Variants in ALCAM observed in about 807,000 individuals in gnomAD.
ALCAM encodes the protein CD166 antigen.
A neutral mutation model predicts 70.9 loss-of-function variants in ALCAM; 30 were observed. The ratio of observed to expected loss-of-function variants is 0.42; its 90% CI spans 0.32 to 0.57. ALCAM has a LOEUF of 0.57. Ranked by LOEUF, ALCAM falls within the 20% of genes least tolerant of loss-of-function variation. The pLI, the probability that ALCAM is intolerant of heterozygous loss-of-function variation, is 0.11. For missense variants in ALCAM, 591 were observed against 695.1 expected (o/e 0.85, Z 1.68); for synonymous variants, 249 against 242.5 (o/e 1.03, Z -0.25).
chr3:105,479,624 A>T (rs1263593501), intron 1 of ALCAM, among the ~76,000 whole-genome samples: 2 of 152,182 alleles, frequency 1.3e-5, no homozygotes, highest in Non-Finnish European at 2.9e-5. Flanking sequence ...ATGTATACAA[A>T]CATTGCATAT....
chr3:105,385,985 G>A (rs1935643122), intron 1 of ALCAM, among the ~76,000 whole-genome samples: 1 of 151,530 alleles, frequency 6.6e-6, no homozygotes, highest in Non-Finnish European at 1.5e-5. Context: ...TAGAAAACCA[G>A]TGTTTTCAAA....
intron 1 of ALCAM, among the ~76,000 whole-genome samples, chr3:105,504,217 G>T (rs1939000994): frequency 6.6e-6 from 1 of 152,150 alleles, no homozygotes; most frequent in Non-Finnish European, 1.5e-5. Flanking sequence ...CACACAGACG[G>T]GCAGGTTATG....
At chr3:105,501,586 T>G (rs1323389950) in intron 1 of ALCAM, among the ~76,000 whole-genome samples, 1 of 152,176 alleles carries the variant, frequency 6.6e-6, no homozygotes, top group African/African-American at 2.4e-5. Flanking sequence ...AGATTTCAAA[T>G]ACCTAGAAAA....
intron 1 of ALCAM, among the ~76,000 whole-genome samples, chr3:105,506,280 TA>T (rs1939075770): frequency 6.6e-6 from 1 of 152,212 alleles, no homozygotes; most frequent in South Asian, 2.1e-4. Context: ...TTAGCTGTTG[TA>T]AATACACAGA....
chr3:105,422,537 C>T (rs1936694205), intron 1 of ALCAM, among the ~76,000 whole-genome samples: 1 of 151,358 alleles, frequency 6.6e-6, no homozygotes, highest in Non-Finnish European at 1.5e-5. Flanking sequence ...GTGTACTCTT[C>T]CAGACCACAA....
intron 14 of ALCAM, among the ~76,000 whole-genome samples, chr3:105,555,682 C>T (rs959558860): frequency 6.6e-6 from 1 of 151,854 alleles, no homozygotes; most frequent in African/African-American, 2.4e-5. Flanking sequence ...GCTAATATAC[C>T]TAGTGGCTAT....
chr3:105,534,884 T>C, intron 6 of ALCAM, 39 bp downstream of exon 6: 1 of 1,512,772 alleles, frequency 6.6e-7, no homozygotes. Context: ...TTTAATGTAT[T>C]AGAAATAATA....
intron 3 of ALCAM, chr3:105,524,963 A>G: frequency 1.0e-6 from 1 of 984,312 alleles, no homozygotes; most frequent in Non-Finnish European, 1.2e-6. Flanking sequence ...AATTCAAACT[A>G]TATTTTAACA....
At chr3:105,526,923 A>T (rs1559822399) in intron 3 of ALCAM, among the ~76,000 whole-genome samples, 1 of 152,208 alleles carries the variant, frequency 6.6e-6, no homozygotes. Context: ...AATGGGAGCC[A>T]GTCTCAGATC....
At position 105,533,624 on chromosome 3, in the gene ALCAM, G is replaced by T; in HGVS notation, c.481G>T (p.Asp161Tyr). 6.2e-7 allele frequency: 1 copy of T among 1,611,848 alleles called. No homozygotes were observed. Among genetic ancestry groups the T allele is most frequent in the Non-Finnish European group, 8.5e-7 (1 of 1,178,434 alleles). ...GCAGTTGGGTGACTGCATTTCAGAA[G>T]ACAGTTATCCAGATGGCAATATCAC... is the stretch of plus-strand genomic sequence containing the variant. ...LKKLGDCISE[D>Y]SYPDGNITWY... The change falls in exon 5 of 16, where the codon GAC becomes TAC. Residue 161 changes from aspartate (D) to tyrosine (Y), a missense_variant. Coordinates refer to ENST00000306107, the MANE Select transcript of ALCAM (RefSeq NM_001627.4).
At chr3:105,408,741 A>G (rs934359642) in intron 1 of ALCAM, among the ~76,000 whole-genome samples, 1 of 152,178 alleles carries the variant, frequency 6.6e-6, no homozygotes, top group Non-Finnish European at 1.5e-5. Context: ...AGCAAAAGGA[A>G]CAGTCAGCAG....
intron 1 of ALCAM, among the ~76,000 whole-genome samples, chr3:105,385,398 C>G (rs1327998663): frequency 6.6e-6 from 1 of 151,404 alleles, no homozygotes; most frequent in Non-Finnish European, 1.5e-5. Context: ...GACCTCTCTT[C>G]AGAGAGGAAA....
intron 1 of ALCAM, among the ~76,000 whole-genome samples, chr3:105,518,579 A>C (rs1429169116): frequency 1.3e-5 from 2 of 152,092 alleles, no homozygotes; most frequent in Non-Finnish European, 2.9e-5. Flanking sequence ...TTGAATAAAA[A>C]AATTTCTTCA....
chr3:105,377,362 A>G (rs1230326827), intron 1 of ALCAM, among the ~76,000 whole-genome samples: 2 of 152,108 alleles, frequency 1.3e-5, no homozygotes, highest in African/African-American at 4.8e-5. Flanking sequence ...AATGTCTTGG[A>G]AGTGAAGTTA....
At chr3:105,475,396 G>T (rs1236357265) in intron 1 of ALCAM, among the ~76,000 whole-genome samples, 3 of 151,876 alleles carry the variant, frequency 2.0e-5, no homozygotes, top group African/African-American at 4.8e-5. Flanking sequence ...GGTAAATCTA[G>T]AAAAATAAAA....
chr3:105,424,537 T>A (rs1384577173), intron 1 of ALCAM, among the ~76,000 whole-genome samples: 1 of 151,674 alleles, frequency 6.6e-6, no homozygotes, highest in African/African-American at 2.4e-5. Flanking sequence ...GAGTTGTGGG[T>A]AGGTAATGTT....
intron 3 of ALCAM, chr3:105,525,192 G>A (rs1051999814): frequency 5.1e-6 from 5 of 984,706 alleles, no homozygotes; most frequent in Non-Finnish European, 6.0e-6. Context: ...TGCTTATGTG[G>A]GATACACCAA....
At chr3:105,568,424 T>G (rs902823538) in intron 14 of ALCAM, among the ~76,000 whole-genome samples, 4 of 152,262 alleles carry the variant, frequency 2.6e-5, no homozygotes, top group Non-Finnish European at 5.9e-5. Flanking sequence ...CTTTCTTGTT[T>G]TTTCTGGGGT....
intron 1 of ALCAM, among the ~76,000 whole-genome samples, chr3:105,452,978 TG>T (rs1331209361): frequency 6.6e-6 from 1 of 152,258 alleles, no homozygotes; most frequent in Non-Finnish European, 1.5e-5. Context: ...ATTAGACCTT[TG>T]TCAGGTGGGT....
Sources: gnomAD v4.1 joint callset for allele counts (sites outside exome capture counted in the v4.1 genomes callset) on GRCh38, gnomAD v4.1.1 for gene constraint, MANE v1.5 for transcripts, NCBI Gene and HGNC (gene_info 2026-07-23, HGNC 2026-07-21) for gene names.